B4GALNT3: variants seen among roughly 807,000 people sequenced by gnomAD.
The protein encoded by B4GALNT3 is beta-1,4-N-acetylgalactosaminyltransferase 3.
B4GALNT3 carries 86 observed loss-of-function variants against 120.2 expected under a neutral mutation model. The ratio of observed to expected loss-of-function variants is 0.72; its 90% CI spans 0.60 to 0.86. B4GALNT3 has a LOEUF of 0.86. Among genes scored for constraint, B4GALNT3 ranks in the 40% least tolerant of loss-of-function variants. B4GALNT3 has a pLI of 0.00. For missense variants in B4GALNT3, 1,167 were observed against 1,298.9 expected (o/e 0.90, Z 1.56); for synonymous variants, 518 against 510.4 (o/e 1.01, Z -0.20).
At position 469,941 on chromosome 12, in the gene B4GALNT3, C is replaced by T. The variant is rs951150901; in HGVS notation, c.169+9396C>T. On this transcript the variant is annotated intron_variant, in intron 1 of 19. Transcript: ENST00000266383. ...TGCTGAGATTACAGGCATGAGCCAC[C>T]GCGCATGGCCAGTTAATGTACACCG... Among the ~76,000 whole-genome samples, 25 of 152,228 alleles carry T rather than the reference C, an allele frequency of 1.6e-4. 1 individual carries two copies. The highest frequency in any genetic ancestry group is 4.6e-4 in the African/African-American group (19 of 41,546).
chr12:503,012 G>A (rs1380571133), intron 1 of B4GALNT3, among the ~76,000 whole-genome samples: 1 of 152,122 alleles, frequency 6.6e-6, no homozygotes, highest in Non-Finnish European at 1.5e-5. Flanking sequence ...TCCTGTCTTG[G>A]CTTCCCGAAG....
At chr12:552,190 G>A (rs1273948708) in intron 12 of B4GALNT3, 27 bp downstream of exon 12, 22 of 1,567,762 alleles carry the variant, frequency 1.4e-5, no homozygotes, top group Non-Finnish European at 1.8e-5. Flanking sequence ...GGGGCAGGAA[G>A]GTGACCTTGC....
At position 553,740 on chromosome 12, in the gene B4GALNT3, A is replaced by T; in HGVS notation, c.1817A>T (p.Glu606Val). 1 of 1,614,022 alleles carries T rather than the reference A, an allele frequency of 6.2e-7. No homozygotes were observed. Among genetic ancestry groups the T allele is most frequent in the Non-Finnish European group, 8.5e-7 (1 of 1,179,934 alleles). Reference protein sequence around the residue: ...AAGQEGQVEGEEEGEEEEEEE... With the variant: ...AAGQEGQVEGVEEGEEEEEEE... ...GGCCAGGAAGGACAAGTGGAGGGAGAGGAAGAGGGGGAAGAAGAGGAGGAG... is the reference window on the plus strand; with the variant it reads ...GGCCAGGAAGGACAAGTGGAGGGAGTGGAAGAGGGGGAAGAAGAGGAGGAG... The change falls in exon 14 of 20, where the codon GAG (glutamate) becomes GTG (valine). Residue 606 changes from glutamate (E) to valine (V), a missense_variant. Glu to Val is a moderately radical substitution (Grantham distance 121). Coordinates refer to ENST00000266383, the MANE Select transcript of B4GALNT3 (RefSeq NM_173593.4).
intron 1 of B4GALNT3, among the ~76,000 whole-genome samples, chr12:511,657 GAGCTTCC>G (rs1946564413): frequency 5.7e-5 from 4 of 70,646 alleles, no homozygotes; most frequent in Admixed American, 5.2e-4. Flanking sequence ...TTCCACCTTC[GAGCTTCC>G]ACCTTCCGCC....
At chr12:495,901 C>T (rs986760408) in intron 1 of B4GALNT3, among the ~76,000 whole-genome samples, 6 of 152,148 alleles carry the variant, frequency 3.9e-5, no homozygotes, top group Non-Finnish European at 7.4e-5. Context: ...GAATGATATA[C>T]ATTTGAAAAG....
Position 557,651 on chromosome 12 carries a change from G to A in B4GALNT3, c.2424G>A (p.Met808Ile). The A allele has an allele frequency of 6.2e-7, 1 of 1,611,812 alleles. No homozygotes were observed. Among genetic ancestry groups the A allele is most frequent in the South Asian group, 1.1e-5 (1 of 90,784 alleles). Residue 808 changes from methionine (M) to isoleucine (I), a missense_variant, in exon 16 of 20, where the codon ATG (methionine) becomes ATA (isoleucine). Physicochemically the swap from Met to Ile is conservative, Grantham distance 10. Around this residue, in one of 3 missense-constraint regions of B4GALNT3, gnomAD observed 983 missense variants for 1,102.5 expected, o/e 0.89. Coordinates refer to ENST00000266383, the MANE Select transcript of B4GALNT3 (RefSeq NM_173593.4). ...ARWVQQFIKD[M>I]ENLFQVTGDP... Reference sequence around the variant, plus strand: ...GGGTACAGCAATTCATCAAAGACATGGAAAACCTGTTCCAGGTCACCGGTG... The same window carrying A: ...GGGTACAGCAATTCATCAAAGACATAGAAAACCTGTTCCAGGTCACCGGTG...
chr12:551,904 C>T (rs944167264), intron 11 of B4GALNT3, among the ~76,000 whole-genome samples, 159 bp from the exon 12 acceptor site: 6 of 152,050 alleles, frequency 3.9e-5, no homozygotes, highest in East Asian at 1.9e-4. Context: ...TGCATCACCA[C>T]GTTTCATTCG....
chr12:520,937 G>T (rs1373650379), intron 1 of B4GALNT3, among the ~76,000 whole-genome samples: 1 of 152,182 alleles, frequency 6.6e-6, no homozygotes, highest in East Asian at 1.9e-4. Flanking sequence ...GGGATATTCT[G>T]AATAGTCAGC....
intron 13 of B4GALNT3, chr12:552,849 C>G (rs1947101147): frequency 4.0e-6 from 2 of 498,862 alleles, no homozygotes; most frequent in Admixed American, 3.6e-5. Flanking sequence ...TTTAGAGAAG[C>G]ACTGTCTTCT....
At chr12:471,262 G>C (rs1289467883) in intron 1 of B4GALNT3, among the ~76,000 whole-genome samples, 3 of 151,452 alleles carry the variant, frequency 2.0e-5, no homozygotes, top group Admixed American at 6.6e-5. Context: ...GCACATGCCT[G>C]TAATCCAAGC....
chr12:530,538 T>C (rs529378277), intron 1 of B4GALNT3, among the ~76,000 whole-genome samples: 2 of 152,330 alleles, frequency 1.3e-5, no homozygotes, highest in Admixed American at 6.5e-5. Context: ...TCATGACTAA[T>C]GCAAATAACA....
At chr12:470,493 G>A (rs1946125309) in intron 1 of B4GALNT3, among the ~76,000 whole-genome samples, 1 of 152,232 alleles carries the variant, frequency 6.6e-6, no homozygotes, top group South Asian at 2.1e-4. Context: ...TGAGGACGTG[G>A]AGGATTCCCT....
intron 3 of B4GALNT3, 116 bp downstream of exon 3, chr12:536,411 T>C: frequency 1.4e-6 from 1 of 713,734 alleles, no homozygotes; most frequent in Non-Finnish European, 2.3e-6. Context: ...ACCTACTCTT[T>C]GAGAGAGCTA....
rs533266697 is a variant in B4GALNT3, at chr12:468,602, G to A, written c.169+8057G>A. 3.3e-5 allele frequency among the ~76,000 whole-genome samples: 5 copies of A among 152,210 alleles called. No individual in the cohort carries two copies. In the South Asian group the frequency reaches 8.3e-4, roughly 25 times the overall value. Reference sequence around the variant, plus strand: ...GCCAGAAACCTGGTGTGTCATGTGGGCACCCATCCCTGCAAAGGTCTCACA... The same window carrying A: ...GCCAGAAACCTGGTGTGTCATGTGGACACCCATCCCTGCAAAGGTCTCACA... On this transcript the variant is annotated intron_variant, in intron 1 of 19. Coordinates refer to ENST00000266383, the MANE Select transcript of B4GALNT3 (RefSeq NM_173593.4).
chr12:494,970 GGA>G (rs1946375411), intron 1 of B4GALNT3, among the ~76,000 whole-genome samples: 1 of 152,176 alleles, frequency 6.6e-6, no homozygotes, highest in Admixed American at 6.5e-5. Flanking sequence ...GGTATAAAAA[GGA>G]GGCCTGGAGT....
At chr12:531,577 G>A (rs1592044533) in intron 1 of B4GALNT3, among the ~76,000 whole-genome samples, 2 of 152,198 alleles carry the variant, frequency 1.3e-5, no homozygotes, top group South Asian at 4.1e-4. Context: ...TTGAGCTTAG[G>A]AGGTCAAGGC....
At chr12:537,024 G>C (rs1946868051) in intron 3 of B4GALNT3, among the ~76,000 whole-genome samples, 1 of 152,212 alleles carries the variant, frequency 6.6e-6, no homozygotes, top group Admixed American at 6.5e-5. Flanking sequence ...ATTAGCATAT[G>C]AAAGAGTATG....
chr12:497,760 A>G (rs998295030), intron 1 of B4GALNT3, among the ~76,000 whole-genome samples: 16 of 152,088 alleles, frequency 1.1e-4, no homozygotes, highest in African/African-American at 3.9e-4. Context: ...CTTTGTGTCT[A>G]AGTCAGGAGG....
At chr12:520,745 C>G (rs574319071) in intron 1 of B4GALNT3, among the ~76,000 whole-genome samples, 1 of 126,112 alleles carries the variant, frequency 7.9e-6, no homozygotes, top group Non-Finnish European at 1.7e-5. Flanking sequence ...GAGCCGAGAT[C>G]GTGCCACTGC....
Sources: allele counts gnomAD v4.1 joint callset (sites outside exome capture counted in the v4.1 genomes callset), GRCh38; gene constraint gnomAD v4.1.1; regional missense constraint gnomAD v4.1.1; transcripts MANE v1.5; gene names NCBI Gene and HGNC (gene_info 2026-07-23, HGNC 2026-07-21).